Variants in EPB41L2 observed in about 807,000 individuals in gnomAD.
The protein encoded by EPB41L2 is band 4.1-like protein 2.
A neutral mutation model predicts 113.0 loss-of-function variants in EPB41L2; 43 were observed. The ratio of observed to expected loss-of-function variants is 0.38; its 90% CI spans 0.30 to 0.49. The LOEUF is 0.49. EPB41L2 is among the 20% of genes least tolerant of loss of function. The pLI, the probability that EPB41L2 is intolerant of heterozygous loss-of-function variation, is 0.95. For missense variants in EPB41L2, 1,147 were observed against 1,223.4 expected, an observed-to-expected ratio of 0.94 and a Z score of 0.93; for synonymous variants, 442 against 436.7, an observed-to-expected ratio of 1.01 and a Z score of -0.15.
intron 1 of EPB41L2, among the ~76,000 whole-genome samples, chr6:130,985,273 A>G (rs1280469947): frequency 6.6e-6 from 1 of 152,154 alleles, no homozygotes; most frequent in African/African-American, 2.4e-5. Context: ...GAGCCCATAA[A>G]AGCCCTGGAC....
chr6:130,949,338 A>T (rs977501534), intron 3 of EPB41L2, among the ~76,000 whole-genome samples: 69 of 152,200 alleles, frequency 4.5e-4, no homozygotes, highest in African/African-American at 1.6e-3. Flanking sequence ...ACAGTGGCTC[A>T]TGCCTGTAAT....
intron 4 of EPB41L2, among the ~76,000 whole-genome samples, chr6:130,916,197 T>C (rs1199966820): frequency 6.6e-6 from 1 of 152,030 alleles, no homozygotes; most frequent in Non-Finnish European, 1.5e-5. Flanking sequence ...GGTTACAGAA[T>C]TTTTTTTAAA....
At chr6:130,985,870 T>C (rs556301200) in intron 1 of EPB41L2, among the ~76,000 whole-genome samples, 1 of 152,264 alleles carries the variant, frequency 6.6e-6, no homozygotes, top group South Asian at 2.1e-4. Context: ...ATTATAGGTG[T>C]ACAATTAAAT....
intron 19 of EPB41L2, among the ~76,000 whole-genome samples, chr6:130,844,228 A>T (rs1436747712): frequency 6.6e-6 from 1 of 152,236 alleles, no homozygotes; most frequent in African/African-American, 2.4e-5. Flanking sequence ...CAATTACCAC[A>T]GAGCAATAAC....
At chr6:131,011,301 T>G (rs1285047381) in intron 1 of EPB41L2, among the ~76,000 whole-genome samples, 2 of 152,246 alleles carry the variant, frequency 1.3e-5, no homozygotes, top group African/African-American at 4.8e-5. Flanking sequence ...GATTCCCAAG[T>G]ACCTGCAAAG....
Position 130,926,722 on chromosome 6 carries a change from T to C in EPB41L2, c.706-13A>G. On this transcript the variant is annotated splice_polypyrimidine_tract_variant and intron_variant, in intron 3 of 19. Transcript: ENST00000337057. ...CCTTGGCATGTTTCTGGAGAAAAAA[T>C]AATAACTTTACTTTTCAAGTACTAA... The C allele has an allele frequency of 6.4e-7, 1 of 1,555,056 alleles. No individual in the cohort carries two copies. Among genetic ancestry groups the C allele is most frequent in the African/African-American group, 1.4e-5 (1 of 72,562 alleles).
intron 1 of EPB41L2, among the ~76,000 whole-genome samples, chr6:130,973,236 A>T (rs1331419210): frequency 6.6e-6 from 1 of 151,510 alleles, no homozygotes; most frequent in Admixed American, 6.6e-5. Flanking sequence ...ACCTCTGAAG[A>T]GATATTCATC....
At chr6:130,881,443 C>A (rs1789278146) in intron 12 of EPB41L2, 1 of 152,116 alleles carries the variant, frequency 6.6e-6, no homozygotes, top group South Asian at 2.1e-4. Flanking sequence ...AAATGTTGAT[C>A]TTTGACATTC....
In EPB41L2 at chr6:130,949,032, G is replaced by A. The variant is rs971938047; in HGVS notation, c.705+6073C>T. 3.3e-5 allele frequency among the ~76,000 whole-genome samples: 5 copies of A among 152,124 alleles called. No individual in the cohort carries two copies. In the South Asian group the frequency reaches 1.0e-3, roughly 32 times the overall value. On this transcript the variant is annotated intron_variant, in intron 3 of 19. Transcript: ENST00000337057. ...ATGACCCACATAATTGTCTGACCAAGTGGACAGACCTAGAAACCGGTATCA... is the reference window on the plus strand; with the variant it reads ...ATGACCCACATAATTGTCTGACCAAATGGACAGACCTAGAAACCGGTATCA...
chr6:131,050,356 C>G (rs1168731221), intron 1 of EPB41L2, among the ~76,000 whole-genome samples: 1 of 152,072 alleles, frequency 6.6e-6, no homozygotes, highest in East Asian at 1.9e-4. Flanking sequence ...AAATGAAAGA[C>G]TCAAATCATT....
chr6:131,026,121 C>G (rs932340312), intron 1 of EPB41L2, among the ~76,000 whole-genome samples: 24 of 152,156 alleles, frequency 1.6e-4, no homozygotes, highest in Non-Finnish European at 1.5e-5. Flanking sequence ...TCCCTTCTAG[C>G]AAGAATAGCC....
At chr6:130,987,101 T>A (rs1780740525) in intron 1 of EPB41L2, among the ~76,000 whole-genome samples, 1 of 152,226 alleles carries the variant, frequency 6.6e-6, no homozygotes, top group Admixed American at 6.5e-5. Flanking sequence ...TCTATGGCTA[T>A]ATCAGAGGGT....
At chr6:130,882,026 G>C (rs560612826) in intron 12 of EPB41L2, 1 of 152,052 alleles carries the variant, frequency 6.6e-6, no homozygotes, top group South Asian at 2.1e-4. Flanking sequence ...AACACACTTG[G>C]GTTTCCAACA....
chr6:131,052,211 A>G (rs1479590603), intron 1 of EPB41L2, among the ~76,000 whole-genome samples: 3 of 152,192 alleles, frequency 2.0e-5, no homozygotes, highest in Non-Finnish European at 4.4e-5. Flanking sequence ...TGCTAAGATT[A>G]CAGGCATGAG....
At chr6:130,908,291 T>C (rs1017282993) in intron 5 of EPB41L2, among the ~76,000 whole-genome samples, 2 of 152,164 alleles carry the variant, frequency 1.3e-5, no homozygotes, top group African/African-American at 4.8e-5. Flanking sequence ...TCAAAGAGTA[T>C]GCAAAGTGGC....
intron 3 of EPB41L2, among the ~76,000 whole-genome samples, chr6:130,946,071 A>G (rs769271481): frequency 2.0e-5 from 3 of 152,220 alleles, no homozygotes; most frequent in Admixed American, 6.5e-5. Flanking sequence ...TCATTAAAAA[A>G]TCTTCAAAGT....
chr6:130,895,860 C>A (rs1471564082), intron 8 of EPB41L2, among the ~76,000 whole-genome samples: 1 of 152,154 alleles, frequency 6.6e-6, no homozygotes, highest in Non-Finnish European at 1.5e-5. Flanking sequence ...GTTTTAAAAA[C>A]CAAACAAATT....
intron 1 of EPB41L2, among the ~76,000 whole-genome samples, chr6:131,050,780 G>C (rs987940983): frequency 2.6e-5 from 4 of 152,230 alleles, no homozygotes; most frequent in Admixed American, 2.0e-4. Context: ...ATTTAATAGA[G>C]ATGGGGTTTC....
intron 16 of EPB41L2, among the ~76,000 whole-genome samples, chr6:130,867,045 T>A (rs1308516410): frequency 1.3e-5 from 2 of 151,880 alleles, no homozygotes; most frequent in East Asian, 3.9e-4. Context: ...CTTCACGGAG[T>A]TAGAGAGGGA....
Sources: gnomAD v4.1 joint callset for allele counts (sites outside exome capture counted in the v4.1 genomes callset) on GRCh38, gnomAD v4.1.1 for gene constraint, MANE v1.5 for transcripts, NCBI Gene and HGNC (gene_info 2026-07-23, HGNC 2026-07-21) for gene names.